ASTE1: variants seen among roughly 807,000 people sequenced by gnomAD.
ASTE1 encodes the protein single-strand DNA endonuclease ASTE1.
Under a neutral mutation model 45.8 loss-of-function variants are expected in ASTE1, and 49 were observed. The observed-to-expected ratio is 1.07, with a 90% CI of 0.85 to 1.36. ASTE1 has a LOEUF of 1.36. Among genes scored for constraint, ASTE1 ranks in the 40% most tolerant of loss-of-function variants. The pLI is 0.00. For synonymous variants in ASTE1, 296 were observed against 303.9 expected (o/e 0.97, Z 0.27); for missense variants, 709 against 804.0 (o/e 0.88, Z 1.43).
Position 131,014,004 on chromosome 3 carries a change from G to A in ASTE1, c.*53C>T. On this transcript the variant is annotated 3_prime_UTR_variant, in exon 6 of 6. Coordinates refer to ENST00000264992, the MANE Select transcript of ASTE1 (RefSeq NM_014065.4). ...AATTGTTTCAAGGGTGGTAACGGAA[G>A]AATTTTAAGTAAGGATTATATTAAA... 1 of 1,362,136 alleles carries A rather than the reference G, an allele frequency of 7.3e-7. No individual in the cohort carries two copies. The highest frequency in any genetic ancestry group is 9.9e-7 in the Non-Finnish European group (1 of 1,005,340). The allele number at this position is 1,362,136 out of a possible 1,614,324, so 84.4% of individuals were successfully genotyped here. A position where few individuals can be genotyped will look rare whatever the true frequency, so the allele number is the denominator to read the frequency against.
chr3:131,019,347 T>G (rs1231108766), intron 3 of ASTE1, among the ~76,000 whole-genome samples: 2 of 152,212 alleles, frequency 1.3e-5, no homozygotes, highest in Non-Finnish European at 2.9e-5. Context: ...GGTGGCTGCT[T>G]GTAGATTAGA....
chr3:131,017,913 T>C (rs1295346100), intron 4 of ASTE1, among the ~76,000 whole-genome samples: 1 of 130,378 alleles, frequency 7.7e-6, no homozygotes, highest in Non-Finnish European at 1.5e-5. Context: ...GAGGCTGCAG[T>C]GAGCCAAGAT....
At chr3:131,023,811 A>C (rs1334055151) in intron 3 of ASTE1, among the ~76,000 whole-genome samples, 194 bp downstream of exon 3, 2 of 152,218 alleles carry the variant, frequency 1.3e-5, no homozygotes, top group African/African-American at 4.8e-5. Flanking sequence ...GCTAGGTTTG[A>C]GTCCTAGCAC....
intron 3 of ASTE1, among the ~76,000 whole-genome samples, chr3:131,021,536 G>A (rs1463731229): frequency 6.6e-6 from 1 of 152,190 alleles, no homozygotes; most frequent in Admixed American, 6.5e-5. Flanking sequence ...GAGTTGCAGA[G>A]CGAGTGACTG....
intron 5 of ASTE1, 50 bp downstream of exon 5, chr3:131,016,094 A>T: frequency 6.3e-7 from 1 of 1,587,098 alleles, no homozygotes. Flanking sequence ...AAAATACTGT[A>T]TTTACTTTTG....
intron 4 of ASTE1, among the ~76,000 whole-genome samples, chr3:131,018,025 C>A (rs2063685601): frequency 6.9e-6 from 1 of 145,140 alleles, no homozygotes; most frequent in Non-Finnish European, 1.5e-5. Flanking sequence ...GCCATCACTA[C>A]TTACATACTA....
Position 131,018,533 on chromosome 3 carries a change from GC to G in ASTE1, c.1485del (p.Leu497Ter). ...LQSLLLTMLV[G>X]PLIAIINSPG... ...GGGCTGTTGATTATGGCAATCAAGG[GC>G]CCCACTAGCATTGTGAGCAGTAAGG... On this transcript the variant is annotated frameshift_variant, in exon 4 of 6. Coordinates refer to ENST00000264992, the MANE Select transcript of ASTE1 (RefSeq NM_014065.4). LOFTEE classifies it high-confidence loss of function. 6.2e-7 allele frequency: 1 copy of G among 1,613,918 alleles called. No individual in the cohort carries two copies. Among genetic ancestry groups the G allele is most frequent in the South Asian group, 1.1e-5 (1 of 91,068 alleles).
At chr3:131,014,538 C>G in intron 5 of ASTE1, 151 bp from the exon 6 acceptor site, 1 of 829,860 alleles carries the variant, frequency 1.2e-6, no homozygotes, top group Non-Finnish European at 1.8e-6. Context: ...ATAATCTGTT[C>G]TTTGAAGGAA....
Position 131,025,613 on chromosome 3 carries a change from A to T in ASTE1, c.-146-19T>A. On this transcript the variant is annotated intron_variant, in intron 1 of 5. Coordinates refer to ENST00000264992, the MANE Select transcript of ASTE1 (RefSeq NM_014065.4). ...GCTAATTCTAAAGAAAAATCAGTTG[A>T]AGTCCATTACTGACACACCAGTATA... 3.0e-6 allele frequency: 1 copy of T among 334,964 alleles called. No homozygotes were observed. Among genetic ancestry groups the T allele is most frequent in the Non-Finnish European group, 5.4e-6 (1 of 185,872 alleles). The allele number at this position is 334,964 out of a possible 1,614,324, so 20.7% of individuals were successfully genotyped here.
chr3:131,013,939 G>C lies in ASTE1; in HGVS notation c.*118C>G. On this transcript the variant is annotated 3_prime_UTR_variant, in exon 6 of 6. Transcript: ENST00000264992. Reference sequence around the variant, plus strand: ...AATAACTTGGAATTCAGATTATTGTGATGTTTATCCCCTAACAGGTCAGTC... The same window carrying C: ...AATAACTTGGAATTCAGATTATTGTCATGTTTATCCCCTAACAGGTCAGTC... 1 of 634,930 alleles carries C rather than the reference G, an allele frequency of 1.6e-6. No individual in the cohort carries two copies. Among genetic ancestry groups the C allele is most frequent in the Non-Finnish European group, 2.6e-6 (1 of 385,654 alleles). 39.3% of individuals were successfully genotyped at this position (634,930 alleles called of 1,614,324 possible). A position where few individuals can be genotyped will look rare whatever the true frequency, so the allele number is the denominator to read the frequency against.
intron 5 of ASTE1, among the ~76,000 whole-genome samples, chr3:131,014,905 A>G (rs1022476345): frequency 6.6e-6 from 1 of 152,232 alleles, no homozygotes; most frequent in African/African-American, 2.4e-5. Flanking sequence ...AATCAGTGTA[A>G]CATCTCTGTG....
intron 5 of ASTE1, among the ~76,000 whole-genome samples, chr3:131,015,473 G>T (rs2063574596): frequency 6.6e-6 from 1 of 152,016 alleles, no homozygotes; most frequent in African/African-American, 2.4e-5. Flanking sequence ...ATCATACCCA[G>T]CTTAAACTCC....
chr3:131,025,431 G>A, intron 2 of ASTE1, 43 bp downstream of exon 2: 2 of 1,426,622 alleles, frequency 1.4e-6, no homozygotes, highest in Admixed American at 2.4e-5. Context: ...GTTATGAAGT[G>A]CTCTTTAGAT....
rs377022996 is a variant in ASTE1 at position 131,014,597 on chromosome 3, CT to C, written c.1710-211del. Among the ~76,000 whole-genome samples, 590 of 152,288 alleles carry C rather than the reference CT, an allele frequency of 3.9e-3. 4 individuals carry two copies. The highest frequency in any genetic ancestry group is 5.4e-3 in the Non-Finnish European group (368 of 68,018). ...ATTCTTTGCTGGTGATACTTAAAAA[CT>C]TTTCATCAACAAATTACGTGATGCA... On this transcript the variant is annotated intron_variant, in intron 5 of 5. Coordinates refer to ENST00000264992, the MANE Select transcript of ASTE1 (RefSeq NM_014065.4).
chr3:131,018,159 ATAACTGGATAGG>A (rs1469965215), intron 4 of ASTE1, among the ~76,000 whole-genome samples: 1 of 152,128 alleles, frequency 6.6e-6, no homozygotes, highest in Non-Finnish European at 1.5e-5. Flanking sequence ...TGCTGTGCTA[ATAACTGGATAGG>A]TAACATGGAA....
chr3:131,017,639 C>T lies in ASTE1; in HGVS notation c.1513+867G>A, dbSNP rs367885399. 2.0e-4 allele frequency among the ~76,000 whole-genome samples: 31 copies of T among 152,162 alleles called. No individual in the cohort carries two copies. The East Asian group carries it at 2.9e-3, about 14-fold the overall frequency. On this transcript the variant is annotated intron_variant, in intron 4 of 5. Coordinates refer to ENST00000264992, the MANE Select transcript of ASTE1 (RefSeq NM_014065.4). Reference sequence around the variant, plus strand: ...CCCAGTGTTTCAGCATTTACTTCACCTGGTATTATATGCAGATGAACTTGC... The same window carrying T: ...CCCAGTGTTTCAGCATTTACTTCACTTGGTATTATATGCAGATGAACTTGC...
intron 2 of ASTE1, 50 bp from the exon 3 acceptor site, chr3:131,025,381 C>A (rs1380094737): frequency 6.5e-7 from 1 of 1,533,464 alleles, no homozygotes; most frequent in Non-Finnish European, 8.7e-7. Context: ...TTATGGGGCA[C>A]CAAGTCATTG....
At chr3:131,021,611 G>A (rs2063743344) in intron 3 of ASTE1, among the ~76,000 whole-genome samples, 2 of 152,188 alleles carry the variant, frequency 1.3e-5, no homozygotes. Flanking sequence ...TCTTTGCATG[G>A]ATGTATAGAC....
At chr3:131,017,355 T>C (rs2063666032) in intron 4 of ASTE1, among the ~76,000 whole-genome samples, 1 of 152,216 alleles carries the variant, frequency 6.6e-6, no homozygotes, top group African/African-American at 2.4e-5. Flanking sequence ...AGTAGCACGA[T>C]CTAATAGAAC....
Sources: gnomAD v4.1 joint callset for allele counts (sites outside exome capture counted in the v4.1 genomes callset) on GRCh38, gnomAD v4.1.1 for gene constraint, MANE v1.5 for transcripts, NCBI Gene and HGNC (gene_info 2026-07-23, HGNC 2026-07-21) for gene names.